The following CDH18 variants were observed in gnomAD, a reference collection of about 807,000 sequenced individuals.
CDH18 encodes the protein cadherin 18, also known as cadherin-18.
CDH18 carries 31 observed loss-of-function variants against 67.9 expected under a neutral mutation model. The ratio of observed to expected loss-of-function variants is 0.46; its 90% confidence interval spans 0.34 to 0.62. The LOEUF (loss-of-function observed/expected upper bound fraction) is 0.62. Ranked by LOEUF, CDH18 falls within the 20% of genes least tolerant of loss-of-function variation. The probability of loss-of-function intolerance (pLI) is 0.01; values close to 1 mark genes in which losing one functional copy is unlikely to be tolerated. For synonymous variants in CDH18, 362 were observed against 347.2 expected (o/e 1.04, Z -0.48); for missense variants, 890 against 975.5 (o/e 0.91, Z 1.17).
chr5:20,386,860 C>A (rs572905356), intron 1 of CDH18, among the ~76,000 whole-genome samples: 3 of 152,130 alleles, frequency 2.0e-5, no homozygotes, highest in Non-Finnish European at 4.4e-5. Flanking sequence ...TTGGGGCATG[C>A]CACTGTCATT....
chr5:20,435,332 G>C (rs559597728), intron 1 of CDH18, among the ~76,000 whole-genome samples: 80 of 152,110 alleles, frequency 5.3e-4, no homozygotes, highest in African/African-American at 1.8e-3. Flanking sequence ...CCAGTACTAA[G>C]AAAAGTGATA....
intron 1 of CDH18, among the ~76,000 whole-genome samples, chr5:20,549,397 A>G (rs764621251): frequency 6.6e-6 from 1 of 152,114 alleles, no homozygotes; most frequent in African/African-American, 2.4e-5. Context: ...TTTATTTTCC[A>G]GGTAATTGAA....
At chr5:19,742,798 T>C (rs1252434176) in intron 4 of CDH18, among the ~76,000 whole-genome samples, 1 of 152,084 alleles carries the variant, frequency 6.6e-6, no homozygotes. Flanking sequence ...GAGAGATTGT[T>C]TTAATGATTC....
intron 1 of CDH18, among the ~76,000 whole-genome samples, chr5:20,321,654 TTTA>T (rs1436381449): frequency 6.6e-6 from 1 of 152,200 alleles, no homozygotes; most frequent in East Asian, 1.9e-4. Flanking sequence ...TTCCTTTTCC[TTTA>T]TTCTCTCCTT....
intron 1 of CDH18, among the ~76,000 whole-genome samples, chr5:20,387,033 C>G (rs953423812): frequency 6.6e-6 from 1 of 152,096 alleles, no homozygotes; most frequent in Non-Finnish European, 1.5e-5. Flanking sequence ...AACCAGGGGT[C>G]AGCAAACTAT....
intron 1 of CDH18, among the ~76,000 whole-genome samples, chr5:20,530,918 A>G (rs1756362912): frequency 6.6e-6 from 1 of 152,136 alleles, no homozygotes; most frequent in South Asian, 2.1e-4. Flanking sequence ...GCTTCTGCAC[A>G]GCAAAAGAAA....
chr5:20,093,913 A>G (rs1430015364), intron 2 of CDH18, among the ~76,000 whole-genome samples: 1 of 152,190 alleles, frequency 6.6e-6, no homozygotes, highest in African/African-American at 2.4e-5. Flanking sequence ...AAAGAGACCA[A>G]TGTTTTGAAG....
intron 3 of CDH18, among the ~76,000 whole-genome samples, chr5:19,769,152 T>C (rs1773444544): frequency 6.6e-6 from 1 of 152,024 alleles, no homozygotes; most frequent in South Asian, 2.1e-4. Context: ...CTTGAAGATA[T>C]AAAGCCGCAA....
intron 1 of CDH18, among the ~76,000 whole-genome samples, chr5:20,408,348 A>G (rs575607633): frequency 6.6e-6 from 1 of 152,230 alleles, no homozygotes; most frequent in South Asian, 2.1e-4. Flanking sequence ...AGGTAAAAAT[A>G]TAGACAAATA....
At chr5:19,966,086 A>C (rs1579850510) in intron 2 of CDH18, among the ~76,000 whole-genome samples, 1 of 152,288 alleles carries the variant, frequency 6.6e-6, no homozygotes, top group East Asian at 1.9e-4. Flanking sequence ...TACTATACAC[A>C]CTACTTTGAT....
chr5:20,569,617 CACA>C (rs574647590), intron 1 of CDH18, among the ~76,000 whole-genome samples: 9 of 151,928 alleles, frequency 5.9e-5, no homozygotes, highest in African/African-American at 1.2e-4. Context: ...TCTCAAAAAC[CACA>C]ACAACAACAA....
chr5:20,315,072 A>C (rs544055988), intron 1 of CDH18, among the ~76,000 whole-genome samples: 1 of 152,110 alleles, frequency 6.6e-6, no homozygotes. Context: ...GCTTATATGC[A>C]TAATTATTTT....
chr5:19,737,370 G>A (rs886220635), intron 4 of CDH18, among the ~76,000 whole-genome samples: 3 of 152,094 alleles, frequency 2.0e-5, no homozygotes, highest in Non-Finnish European at 4.4e-5. Flanking sequence ...AGCTATACCT[G>A]ATTGCAATGT....
At chr5:19,634,005 TCTTA>T (rs771499977) in intron 5 of CDH18, among the ~76,000 whole-genome samples, 22 of 152,310 alleles carry the variant, frequency 1.4e-4, no homozygotes, top group Non-Finnish European at 2.9e-4. Flanking sequence ...TTTAGTAACT[TCTTA>T]CTTGTACTTT....
chr5:20,213,526 G>C (rs1740520620), intron 2 of CDH18, among the ~76,000 whole-genome samples: 1 of 151,850 alleles, frequency 6.6e-6, no homozygotes, highest in South Asian at 2.1e-4. Context: ...ATTTTTGTTT[G>C]GTAGACTATT....
chr5:19,500,670 T>A (rs1743082678), intron 11 of CDH18, among the ~76,000 whole-genome samples: 1 of 152,148 alleles, frequency 6.6e-6, no homozygotes, highest in Admixed American at 6.5e-5. Flanking sequence ...CTTCTCACAC[T>A]CAAGCTACTG....
At chr5:20,370,000 A>G (rs1742842865) in intron 1 of CDH18, among the ~76,000 whole-genome samples, 1 of 152,156 alleles carries the variant, frequency 6.6e-6, no homozygotes, top group Non-Finnish European at 1.5e-5. Context: ...TCAATTAGCT[A>G]TTCTTCCTGA....
rs771297970 is a variant in CDH18 at position 20,202,694 on chromosome 5, C to G, written c.-518+52750G>C. 7.6e-4 allele frequency among the ~76,000 whole-genome samples: 116 copies of G among 151,784 alleles called. 1 individual carries two copies. Among genetic ancestry groups the G allele is most frequent in the Admixed American group, 2.8e-3 (43 of 15,234 alleles). ...TATTTTTTTTGCATTTTGCTAGGAT[C>G]ATTTTCAGAATTATTGTTACTACTT... On this transcript the variant is annotated intron_variant, in intron 2 of 14. Transcript: ENST00000507958.
At chr5:19,799,451 C>G (rs954140199) in intron 3 of CDH18, among the ~76,000 whole-genome samples, 1 of 151,620 alleles carries the variant, frequency 6.6e-6, no homozygotes, top group African/African-American at 2.4e-5. Flanking sequence ...CACACACACA[C>G]ACACACACAC....
Sources: allele counts gnomAD v4.1 joint callset (sites outside exome capture counted in the v4.1 genomes callset), GRCh38; gene constraint gnomAD v4.1.1; transcripts MANE v1.5; gene names NCBI Gene and HGNC (gene_info 2026-07-23, HGNC 2026-07-21).